KHDRBS3: variants seen among roughly 807,000 people sequenced by gnomAD.
KHDRBS3 encodes the protein KH RNA binding domain containing, signal transduction associated 3.
A neutral mutation model predicts 45.6 loss-of-function variants in KHDRBS3; 23 were observed. The ratio of observed to expected loss-of-function variants is 0.50; its 90% CI spans 0.36 to 0.72. KHDRBS3 has a LOEUF of 0.72. KHDRBS3 is among the 30% of genes least tolerant of loss of function. The pLI is 0.00. For missense variants in KHDRBS3, 352 were observed against 424.8 expected, an observed-to-expected ratio of 0.83 and a Z score of 1.51; for synonymous variants, 162 against 156.5, an observed-to-expected ratio of 1.04 and a Z score of -0.26.
chr8:135,555,856 G>T (rs923011945), intron 4 of KHDRBS3, among the ~76,000 whole-genome samples: 1 of 152,182 alleles, frequency 6.6e-6, no homozygotes, highest in Admixed American at 6.5e-5. Context: ...CGTCACCTAC[G>T]TTAATTCTCC....
rs112948714 is a variant in KHDRBS3 at position 135,571,123 on chromosome 8, C to A, written c.612-10755C>A. On this transcript the variant is annotated intron_variant, in intron 5 of 8. Transcript: ENST00000355849. ...ATTCTCTCAGTTACAGCTCAGCCAG[C>A]ACTTTTACATGTCCCGTGCAACATA... 1.0e-3 allele frequency among the ~76,000 whole-genome samples: 154 copies of A among 152,292 alleles called. 1 individual carries two copies. Among genetic ancestry groups the A allele is most frequent in the African/African-American group, 3.1e-3 (128 of 41,570 alleles).
At chr8:135,547,400 A>G (rs1376461364) in intron 3 of KHDRBS3, among the ~76,000 whole-genome samples, 1 of 152,150 alleles carries the variant, frequency 6.6e-6, no homozygotes, top group African/African-American at 2.4e-5. Flanking sequence ...TTGTATTCTC[A>G]GTAGTTCTGC....
intron 1 of KHDRBS3, among the ~76,000 whole-genome samples, chr8:135,480,673 T>G (rs1398221178): frequency 6.6e-6 from 1 of 152,192 alleles, no homozygotes; most frequent in Non-Finnish European, 1.5e-5. Flanking sequence ...AAGAGAAATG[T>G]GCTTTCCATA....
intron 7 of KHDRBS3, among the ~76,000 whole-genome samples, chr8:135,617,431 C>T (rs914063089): frequency 8.5e-5 from 13 of 152,244 alleles, no homozygotes; most frequent in Non-Finnish European, 1.8e-4. Flanking sequence ...GAGTGCTCCA[C>T]CACACCCAGC....
At chr8:135,548,015 T>C (rs1826396382) in intron 3 of KHDRBS3, among the ~76,000 whole-genome samples, 1 of 152,196 alleles carries the variant, frequency 6.6e-6, no homozygotes, top group Non-Finnish European at 1.5e-5. Context: ...TTATGTAAAA[T>C]AACGTAATAA....
At chr8:135,493,358 A>G (rs1823254859) in intron 1 of KHDRBS3, among the ~76,000 whole-genome samples, 1 of 152,048 alleles carries the variant, frequency 6.6e-6, no homozygotes, top group Non-Finnish European at 1.5e-5. Context: ...GTAAAAGAGG[A>G]CATTCTTTCT....
chr8:135,621,218 C>T (rs528794163), intron 7 of KHDRBS3, among the ~76,000 whole-genome samples: 1 of 151,882 alleles, frequency 6.6e-6, no homozygotes, highest in Non-Finnish European at 1.5e-5. Context: ...ACTATAAATT[C>T]TTTAAACTCT....
At chr8:135,571,325 A>C (rs2130885349) in intron 5 of KHDRBS3, among the ~76,000 whole-genome samples, 1 of 152,290 alleles carries the variant, frequency 6.6e-6, no homozygotes, top group South Asian at 2.1e-4. Context: ...TCTCTTCCCT[A>C]CCACACTTTG....
intron 7 of KHDRBS3, among the ~76,000 whole-genome samples, chr8:135,637,089 C>G (rs1586842907): frequency 6.6e-6 from 1 of 152,102 alleles, no homozygotes; most frequent in East Asian, 1.9e-4. Flanking sequence ...CTTGCATAAC[C>G]TAATTCTGGA....
chr8:135,551,614 G>A (rs190247246), intron 4 of KHDRBS3, among the ~76,000 whole-genome samples: 15 of 152,216 alleles, frequency 9.9e-5, no homozygotes, highest in Admixed American at 9.2e-4. Flanking sequence ...ACTTGGTCAT[G>A]GCATGTAGTC....
At chr8:135,557,729 C>T (rs754226075) in intron 5 of KHDRBS3, 142 bp downstream of exon 5, 33 of 662,120 alleles carry the variant, frequency 5.0e-5, no homozygotes, top group South Asian at 2.7e-4. Flanking sequence ...CCCAGCTACT[C>T]GGGAATCTGA....
At chr8:135,520,140 T>G (rs765310740) in intron 1 of KHDRBS3, among the ~76,000 whole-genome samples, 4 of 152,244 alleles carry the variant, frequency 2.6e-5, no homozygotes, top group African/African-American at 4.8e-5. Flanking sequence ...ATGTGAGATA[T>G]GTTGTTCAGG....
chr8:135,527,129 A>G (rs1207165666), intron 2 of KHDRBS3, among the ~76,000 whole-genome samples: 1 of 152,160 alleles, frequency 6.6e-6, no homozygotes, highest in Non-Finnish European at 1.5e-5. Context: ...CTCTGTCTAT[A>G]CCTAGCATTT....
chr8:135,653,173 A>G (rs1371846910), intron 4 of KHDRBS3, among the ~76,000 whole-genome samples: 1 of 152,142 alleles, frequency 6.6e-6, no homozygotes, highest in Non-Finnish European at 1.5e-5. Context: ...TGGTGGTGTT[A>G]TCCTGAGGCT....
intron 6 of KHDRBS3, among the ~76,000 whole-genome samples, chr8:135,600,636 G>A (rs533125262): frequency 6.6e-6 from 1 of 152,300 alleles, no homozygotes; most frequent in South Asian, 2.1e-4. Flanking sequence ...TTTTTAAAGT[G>A]CAAGAAAAGG....
intron 1 of KHDRBS3, among the ~76,000 whole-genome samples, chr8:135,496,968 C>T (rs769624527): frequency 1.3e-5 from 2 of 152,154 alleles, no homozygotes; most frequent in South Asian, 2.1e-4. Context: ...AAGACAGGAT[C>T]GAAATGCATC....
At chr8:135,625,580 G>T in intron 7 of KHDRBS3, 1 of 956,864 alleles carries the variant, frequency 1.0e-6, no homozygotes, top group Non-Finnish European at 1.7e-6. Context: ...AGCCACTGCA[G>T]TTTCTTGACC....
chr8:135,505,289 GC>G (rs1015272359), intron 1 of KHDRBS3, among the ~76,000 whole-genome samples: 20 of 152,150 alleles, frequency 1.3e-4, no homozygotes, highest in Admixed American at 1.2e-3. Flanking sequence ...GCTCAGTGAG[GC>G]CAAGTGATTT....
intron 4 of KHDRBS3, chr8:135,656,217 CTCTT>C (rs1186615398): frequency 6.6e-6 from 1 of 152,184 alleles, no homozygotes; most frequent in African/African-American, 2.4e-5. Context: ...TCATTTTCCT[CTCTT>C]TCAGGAACTT....
Sources: gnomAD v4.1 joint callset for allele counts (sites outside exome capture counted in the v4.1 genomes callset) on GRCh38, gnomAD v4.1.1 for gene constraint, MANE v1.5 for transcripts, NCBI Gene and HGNC (gene_info 2026-07-23, HGNC 2026-07-21) for gene names.